The following BCL11B variants were observed in gnomAD, a reference collection of about 807,000 sequenced individuals.
BCL11B encodes BCL11 transcription factor B.
A neutral mutation model predicts 49.9 loss-of-function variants in BCL11B; 8 were observed. The observed-to-expected ratio is 0.16, with a 90% CI of 0.09 to 0.29. The LOEUF (loss-of-function observed/expected upper bound fraction) is 0.29. Ranked by LOEUF, BCL11B falls within the 10% of genes least tolerant of loss-of-function variation. BCL11B has a pLI of 1.00. For synonymous variants in BCL11B, 739 were observed against 637.4 expected, an observed-to-expected ratio of 1.16 and a Z score of -2.40; for missense variants, 1,006 against 1,351.0, an observed-to-expected ratio of 0.74 and a Z score of 4.00.
Position 99,231,406 on chromosome 14 carries a change from A to AC in BCL11B, c.578dup (p.Asp194Ter), listed in dbSNP as rs1218934990. ...TCTGACCCTCACCCTGAGTCCCGTCACCCGAGACCGGGCGCGCGCTGCAGC... is the reference window on the plus strand; with the variant it reads ...TCTGACCCTCACCCTGAGTCCCGTCACCCCGAGACCGGGCGCGCGCTGCAGC... On this transcript the variant is annotated frameshift_variant, in exon 3 of 4. Coordinates refer to ENST00000357195, the MANE Select transcript of BCL11B (RefSeq NM_138576.4). LOFTEE classifies it high-confidence loss of function. The surrounding 1 kb of genome is among the most constrained non-coding windows in gnomAD (Gnocchi z 8.1). 1.3e-6 allele frequency: 2 copies of AC among 1,597,142 alleles called. No homozygotes were observed. The highest frequency in any genetic ancestry group is 1.7e-6 in the Non-Finnish European group (2 of 1,171,934).
In BCL11B at chr14:99,258,621, A is replaced by T. The variant is rs190954193; in HGVS notation, c.59-782T>A. Reference sequence around the variant, plus strand: ...ATCTTAGGAGAAAGCACTGCAGCAGAAGGGAGGCTGGAACCGGCTTGCAGA... The same window carrying T: ...ATCTTAGGAGAAAGCACTGCAGCAGTAGGGAGGCTGGAACCGGCTTGCAGA... On this transcript the variant is annotated intron_variant, in intron 1 of 3. Coordinates refer to ENST00000357195, the MANE Select transcript of BCL11B (RefSeq NM_138576.4). Among the ~76,000 whole-genome samples, 253 of 152,318 alleles carry T rather than the reference A, an allele frequency of 1.7e-3. 3 individuals are homozygous for T. The highest frequency in any genetic ancestry group is 5.8e-3 in the African/African-American group (241 of 41,568).
chr14:99,195,476 C>T lies in BCL11B; in HGVS notation c.641-19281G>A, dbSNP rs1887153272. On this transcript the variant is annotated intron_variant, in intron 3 of 3. Coordinates refer to ENST00000357195, the MANE Select transcript of BCL11B (RefSeq NM_138576.4). The surrounding 1 kb of genome is among the most constrained non-coding windows in gnomAD (Gnocchi z 4.7). ...CACCACAGTCCCCCAAGCCAGGATACTGCACTGGGCTTTGCACCCCCAAAA... is the reference window on the plus strand; with the variant it reads ...CACCACAGTCCCCCAAGCCAGGATATTGCACTGGGCTTTGCACCCCCAAAA... Among the ~76,000 whole-genome samples the T allele has an allele frequency of 1.3e-5, 2 of 152,138 alleles. No individual in the cohort carries two copies. Among genetic ancestry groups the T allele is most frequent in the Admixed American group, 6.5e-5 (1 of 15,282 alleles).
At chr14:99,178,398 C>T (rs1435199605) in intron 3 of BCL11B, among the ~76,000 whole-genome samples, 1 of 152,206 alleles carries the variant, frequency 6.6e-6, no homozygotes, top group Admixed American at 6.5e-5. Context: ...CATGAAAGAG[C>T]CCCTGAGGGG....
intron 3 of BCL11B, among the ~76,000 whole-genome samples, chr14:99,199,681 T>TGTGC (rs768341600): frequency 3.0e-4 from 21 of 71,002 alleles, no homozygotes; most frequent in Non-Finnish European, 7.2e-4. Flanking sequence ...TGTGTGTGTG[T>TGTGC]GTGCGCGCGC....
Position 99,199,669 on chromosome 14 carries a change from T to C in BCL11B, c.641-23474A>G, listed in dbSNP as rs1267081921. 1.1e-3 allele frequency among the ~76,000 whole-genome samples: 97 copies of C among 86,296 alleles called. 1 individual carries two copies. Among genetic ancestry groups the C allele is most frequent in the African/African-American group, 4.0e-3 (91 of 22,550 alleles). 56.6% of individuals were successfully genotyped at this position (86,296 alleles called of 152,430 possible). A position where few individuals can be genotyped will look rare whatever the true frequency, so the allele number is the denominator to read the frequency against. Reference sequence around the variant, plus strand: ...GTGTGTGTGTGTGTGTGTGTGTGTGTGTGTGTGTGTGTGTGCGCGCGCGCG... The same window carrying C: ...GTGTGTGTGTGTGTGTGTGTGTGTGCGTGTGTGTGTGTGTGCGCGCGCGCG... On this transcript the variant is annotated intron_variant, in intron 3 of 3. Transcript: ENST00000357195.
chr14:99,187,857 T>G (rs1361275732), intron 3 of BCL11B, among the ~76,000 whole-genome samples: 1 of 152,048 alleles, frequency 6.6e-6, no homozygotes, highest in Non-Finnish European at 1.5e-5. Flanking sequence ...GCCTCCATCT[T>G]TCCTTTCTTT....
chr14:99,257,752 C>G lies in BCL11B; in HGVS notation c.146G>C (p.Gly49Ala). 1 of 1,607,716 alleles carries G rather than the reference C, an allele frequency of 6.2e-7. No individual in the cohort carries two copies. ...GGTGAGCAGGTCAGGGTCGGGGCCA[C>G]CCACCATCAGCCCCAGGCCACTTGG... ...EEPSGLGLMV[G>A]GPDPDLLTCG... Residue 49 changes from glycine to alanine, a missense_variant, in exon 2 of 4, where the codon GGT (glycine) becomes GCT (alanine). By Grantham distance (60) the Gly-to-Ala change is moderately conservative. Coordinates refer to ENST00000357195, the MANE Select transcript of BCL11B (RefSeq NM_138576.4). The surrounding 1 kb of genome is among the most constrained non-coding windows in gnomAD (Gnocchi z 6.2).
rs976341168 is a variant in BCL11B at position 99,231,591 on chromosome 14, C to T, written c.428-34G>A. On this transcript the variant is annotated intron_variant, in intron 2 of 3. Coordinates refer to ENST00000357195, the MANE Select transcript of BCL11B (RefSeq NM_138576.4). The surrounding 1 kb of genome is among the most constrained non-coding windows in gnomAD (Gnocchi z 8.1). ...AAAACAATAGAAAAGACTGGTCAGT[C>T]GGGCCCTGGACTGTGTGAGGGGCAC... The T allele has an allele frequency of 2.9e-6, 4 of 1,401,458 alleles. No homozygotes were observed. Among genetic ancestry groups the T allele is most frequent in the Admixed American group, 2.1e-5 (1 of 48,032 alleles). The allele number at this position is 1,401,458 out of a possible 1,614,324, so 86.8% of individuals were successfully genotyped here.
At chr14:99,208,766 G>A (rs1375786018) in intron 3 of BCL11B, among the ~76,000 whole-genome samples, 1 of 152,202 alleles carries the variant, frequency 6.6e-6, no homozygotes, top group Non-Finnish European at 1.5e-5. Context: ...AGGAGTGCTC[G>A]CTGGAAGAAC....
At chr14:99,214,403 A>T (rs931995972) in intron 3 of BCL11B, among the ~76,000 whole-genome samples, 13 of 152,086 alleles carry the variant, frequency 8.5e-5, no homozygotes, top group African/African-American at 2.4e-4. Flanking sequence ...AAAAAATTTT[A>T]AAAAATTAGC....
Position 99,175,200 on chromosome 14 carries a change from G to T in BCL11B, c.1636C>A (p.Leu546Met). The T allele has an allele frequency of 6.4e-7, 1 of 1,564,128 alleles. No individual in the cohort carries two copies. ...GACTCGGGCCGGCTCTCGTTCTCCAGTAGCAGCTCCTCCTCCTCCTCCTCC... is the reference window on the plus strand; with the variant it reads ...GACTCGGGCCGGCTCTCGTTCTCCATTAGCAGCTCCTCCTCCTCCTCCTCC... ...EEEEEEEELL[L>M]ENESRPESSF... Residue 546 changes from leucine (L) to methionine (M), a missense_variant, in exon 4 of 4, where the codon CTG (leucine) becomes ATG (methionine). Physicochemically the swap from Leu to Met is conservative, Grantham distance 15 (BLOSUM62 2). Coordinates refer to ENST00000357195, the MANE Select transcript of BCL11B (RefSeq NM_138576.4).
intron 2 of BCL11B, among the ~76,000 whole-genome samples, chr14:99,250,126 C>A (rs1432781638): frequency 6.6e-6 from 1 of 150,896 alleles, no homozygotes; most frequent in African/African-American, 2.5e-5. Context: ...AGCTCCACCT[C>A]CTGGGTTCAC....
At chr14:99,226,008 C>T (rs1306773216) in intron 3 of BCL11B, among the ~76,000 whole-genome samples, 1 of 152,242 alleles carries the variant, frequency 6.6e-6, no homozygotes, top group African/African-American at 2.4e-5. Flanking sequence ...ACAGCCTCTG[C>T]AGCAGCGTGA....
Position 99,247,450 on chromosome 14 carries a change from C to CGAACA in BCL11B, c.427+10016_427+10020dup. 1.3e-5 allele frequency among the ~76,000 whole-genome samples: 2 copies of CGAACA among 152,250 alleles called. No individual in the cohort carries two copies. Among genetic ancestry groups the CGAACA allele is most frequent in the South Asian group, 4.1e-4 (2 of 4,824 alleles). On this transcript the variant is annotated intron_variant, in intron 2 of 3. Coordinates refer to ENST00000357195, the MANE Select transcript of BCL11B (RefSeq NM_138576.4). The surrounding 1 kb of genome is among the most constrained non-coding windows in gnomAD (Gnocchi z 4.5). ...ACTGAAGGTTTGTCCCATTTTCTCC[C>CGAACA]GAACAGAGAAGAATTCAGACAGTTG...
In BCL11B at chr14:99,229,003, AATGG is replaced by A. The variant is rs546394639; in HGVS notation, c.640+2338_640+2341del. Among the ~76,000 whole-genome samples the A allele has an allele frequency of 9.3e-3, 1,004 of 107,572 alleles. 18 individuals carry two copies. The highest frequency in any genetic ancestry group is 0.028 in the South Asian group (85 of 3,022). 70.6% of individuals were successfully genotyped at this position (107,572 alleles called of 152,430 possible). A position where few individuals can be genotyped will look rare whatever the true frequency, so the allele number is the denominator to read the frequency against. ...GGATGGATGGATGGCTACATGGATG[AATGG>A]ATGGATGGATGGATGGATGGATGGA... On this transcript the variant is annotated intron_variant, in intron 3 of 3. Transcript: ENST00000357195.
chr14:99,182,263 C>T (rs1156890582), intron 3 of BCL11B, among the ~76,000 whole-genome samples: 1 of 152,194 alleles, frequency 6.6e-6, no homozygotes, highest in Non-Finnish European at 1.5e-5. Flanking sequence ...GCTCCAACAA[C>T]CCCTGCAGTA....
chr14:99,270,638 C>T (rs1275397826), intron 1 of BCL11B, among the ~76,000 whole-genome samples: 1 of 152,014 alleles, frequency 6.6e-6, no homozygotes, highest in Non-Finnish European at 1.5e-5. Flanking sequence ...GACCCGGAGC[C>T]GGCGGCCGCC....
At position 99,170,018 on chromosome 14, in the gene BCL11B, A is replaced by G. The variant is rs1322846739; in HGVS notation, c.*4133T>C. ...GTTGGTTTTTTAAACACAAAACAGA[A>G]GCAAAATTCTCTCTTCTCTGCAGTC... is the stretch of plus-strand genomic sequence containing the variant. On this transcript the variant is annotated 3_prime_UTR_variant, in exon 4 of 4. Coordinates refer to ENST00000357195, the MANE Select transcript of BCL11B (RefSeq NM_138576.4). 4.4e-6 allele frequency: 1 copy of G among 228,022 alleles called. No homozygotes were observed. Among genetic ancestry groups the G allele is most frequent in the South Asian group, 1.8e-4 (1 of 5,484 alleles). The allele number at this position is 228,022 out of a possible 1,614,324, so 14.1% of individuals were successfully genotyped here. A position where few individuals can be genotyped will look rare whatever the true frequency, so the allele number is the denominator to read the frequency against.
chr14:99,217,367 A>C (rs1887876731), intron 3 of BCL11B, among the ~76,000 whole-genome samples: 1 of 75,012 alleles, frequency 1.3e-5, no homozygotes, highest in South Asian at 3.5e-4. Context: ...CACGAGTACA[A>C]ATATACACAC....
Sources: gnomAD v4.1 joint callset for allele counts (sites outside exome capture counted in the v4.1 genomes callset) on GRCh38, gnomAD v4.1.1 for gene constraint, Gnocchi (gnomAD v3.1) non-coding constraint, MANE v1.5 for transcripts, NCBI Gene and HGNC (gene_info 2026-07-23, HGNC 2026-07-21) for gene names.